The following RAB15 variants were observed in gnomAD, a reference collection of about 807,000 sequenced individuals.
RAB15 encodes the protein ras-related protein Rab-15.
In RAB15, 13 loss-of-function variants were observed where a neutral mutation model predicts 31.8. The observed-to-expected ratio is 0.41, with a 90% CI of 0.27 to 0.65. The LOEUF is 0.65. Among genes scored for constraint, RAB15 ranks in the 30% least tolerant of loss-of-function variants. The pLI, the probability that RAB15 is intolerant of heterozygous loss-of-function variation, is 0.32. For missense variants in RAB15, 220 were observed against 277.3 expected (o/e 0.79, Z 1.47); for synonymous variants, 100 against 105.6 (o/e 0.95, Z 0.33).
At position 64,954,441 on chromosome 14, in the gene RAB15, C is replaced by T. The variant is rs1221358719; in HGVS notation, c.125-1870G>A. Reference sequence around the variant, plus strand: ...AAATTTTCTCCAATTTGTAATATACCTGGTTTATCCTCACACTAGCCTAGC... The same window carrying T: ...AAATTTTCTCCAATTTGTAATATACTTGGTTTATCCTCACACTAGCCTAGC... On this transcript the variant is annotated intron_variant, in intron 1 of 6. Transcript: ENST00000533601. This position sits in a 1 kb window ranked among gnomAD's most constrained non-coding sequence, Gnocchi z 4.3. 2.0e-6 allele frequency: 2 copies of T among 985,302 alleles called. No homozygotes were observed. The highest frequency in any genetic ancestry group is 2.4e-6 in the Non-Finnish European group (2 of 829,926). The allele number at this position is 985,302 out of a possible 1,614,324, so 61.0% of individuals were successfully genotyped here.
Position 64,948,634 on chromosome 14 carries a change from G to T in RAB15, c.480+34C>A. The T allele has an allele frequency of 6.2e-7, 1 of 1,613,438 alleles. No homozygotes were observed. Among genetic ancestry groups the T allele is most frequent in the Non-Finnish European group, 8.5e-7 (1 of 1,179,454 alleles). On this transcript the variant is annotated intron_variant, in intron 6 of 6. Transcript: ENST00000533601. This position sits in a 1 kb window ranked among gnomAD's most constrained non-coding sequence, Gnocchi z 7.0. ...CTCCCACCTCTGCTGGACTCAGCCC[G>T]AGAGAGCGGGCGCCTGGTCACCAGG...
In RAB15 at chr14:64,951,261, T is replaced by C. The variant is rs1034857243; in HGVS notation, c.247-110A>G. The C allele has an allele frequency of 7.0e-6, 6 of 861,218 alleles. No homozygotes were observed. Among genetic ancestry groups the C allele is most frequent in the African/African-American group, 3.3e-5 (2 of 60,096 alleles). The allele number at this position is 861,218 out of a possible 1,614,324, so 53.3% of individuals were successfully genotyped here. ...TTGGGTCCCACTCTCCCATTCTCCCTGCTCAGCATCCAGAAATATCTCTTC... is the reference window on the plus strand; with the variant it reads ...TTGGGTCCCACTCTCCCATTCTCCCCGCTCAGCATCCAGAAATATCTCTTC... On this transcript the variant is annotated intron_variant, in intron 3 of 6. Transcript: ENST00000533601. The surrounding 1 kb of genome is among the most constrained non-coding windows in gnomAD (Gnocchi z 7.2).
At chr14:64,957,341 C>G (rs942304253) in intron 1 of RAB15, among the ~76,000 whole-genome samples, 3 of 152,124 alleles carry the variant, frequency 2.0e-5, no homozygotes, top group South Asian at 2.1e-4. Context: ...CCTCTCACTC[C>G]TACCTTCCCT....
chr14:64,951,682 C>A lies in RAB15; in HGVS notation c.186-19G>T. 1 of 1,610,660 alleles carries A rather than the reference C, an allele frequency of 6.2e-7. No individual in the cohort carries two copies. ...AGTGTCCCTGCAGGAGAAAGCCAGT[C>A]CCTCAGAGGAGCAGGGACCATGGGA... is the stretch of plus-strand genomic sequence containing the variant. On this transcript the variant is annotated intron_variant, in intron 2 of 6. Transcript: ENST00000533601. This position sits in a 1 kb window ranked among gnomAD's most constrained non-coding sequence, Gnocchi z 7.2.
rs908981113 is a variant in RAB15 at position 64,946,127 on chromosome 14, C to G, written c.*2227G>C. The G allele has an allele frequency of 6.6e-6, 1 of 152,542 alleles. No individual in the cohort carries two copies. The highest frequency in any genetic ancestry group is 1.5e-5 in the Non-Finnish European group (1 of 68,104). The allele number at this position is 152,542 out of a possible 1,614,324, so 9.4% of individuals were successfully genotyped here. On this transcript the variant is annotated 3_prime_UTR_variant, in exon 7 of 7. Coordinates refer to ENST00000533601, the MANE Select transcript of RAB15 (RefSeq NM_001308154.2). ...TCCCAATTCTCCTTCTGCTCCCATA[C>G]CTTTTCCCAGTCATGGCCCTTGTGG...
At position 64,950,795 on chromosome 14, in the gene RAB15, A is replaced by C. The variant is rs1001761891; in HGVS notation, c.324+279T>G. ...GACTAGATCCCAATCTTGCAACTCC[A>C]CCTGGTCCCAAGATTTCAGGAAAGA... is the stretch of plus-strand genomic sequence containing the variant. On this transcript the variant is annotated intron_variant, in intron 4 of 6. Coordinates refer to ENST00000533601, the MANE Select transcript of RAB15 (RefSeq NM_001308154.2). This position sits in a 1 kb window ranked among gnomAD's most constrained non-coding sequence, Gnocchi z 5.6. The C allele has an allele frequency of 1.6e-6, 1 of 640,796 alleles. No individual in the cohort carries two copies. Among genetic ancestry groups the C allele is most frequent in the Non-Finnish European group, 2.7e-6 (1 of 365,532 alleles). 39.7% of individuals were successfully genotyped at this position (640,796 alleles called of 1,614,324 possible).
chr14:64,954,343 C>G lies in RAB15; in HGVS notation c.125-1772G>C. 1 of 985,376 alleles carries G rather than the reference C, an allele frequency of 1.0e-6. No individual in the cohort carries two copies. The highest frequency in any genetic ancestry group is 1.2e-6 in the Non-Finnish European group (1 of 829,900). 61.0% of individuals were successfully genotyped at this position (985,376 alleles called of 1,614,324 possible). A position where few individuals can be genotyped will look rare whatever the true frequency, so the allele number is the denominator to read the frequency against. ...ACGGTTATCAGGCACCTGTTTCTCC[C>G]CAGTACCTGGCATAGAAGGGAATCA... On this transcript the variant is annotated intron_variant, in intron 1 of 6. Coordinates refer to ENST00000533601, the MANE Select transcript of RAB15 (RefSeq NM_001308154.2). The surrounding 1 kb of genome is among the most constrained non-coding windows in gnomAD (Gnocchi z 4.3).
chr14:64,964,560 C>G (rs1051500423), intron 1 of RAB15, among the ~76,000 whole-genome samples: 1 of 148,630 alleles, frequency 6.7e-6, no homozygotes, highest in Non-Finnish European at 1.5e-5. Flanking sequence ...GAAAAGAAAA[C>G]AAACCACTTT....
Position 64,946,818 on chromosome 14 carries a change from C to T in RAB15, c.*1536G>A, listed in dbSNP as rs1331645541. On this transcript the variant is annotated 3_prime_UTR_variant, in exon 7 of 7. Coordinates refer to ENST00000533601, the MANE Select transcript of RAB15 (RefSeq NM_001308154.2). ...GACCCTCTTCCTAGGCCTCGCCCAC[C>T]TTGGGACGGTGGGCAGGAACCCCAG... 2.0e-5 allele frequency: 3 copies of T among 151,928 alleles called. No individual in the cohort carries two copies. The highest frequency in any genetic ancestry group is 4.4e-5 in the Non-Finnish European group (3 of 68,036). 9.4% of individuals were successfully genotyped at this position (151,928 alleles called of 1,614,324 possible).
At chr14:64,964,875 A>G (rs967825944) in intron 1 of RAB15, among the ~76,000 whole-genome samples, 4 of 151,948 alleles carry the variant, frequency 2.6e-5, no homozygotes, top group Admixed American at 2.6e-4. Flanking sequence ...GCACCCAGCC[A>G]TAACCCACAT....
In RAB15 at chr14:64,955,243, G is replaced by A. The variant is rs552573212; in HGVS notation, c.125-2672C>T. 7.9e-5 allele frequency among the ~76,000 whole-genome samples: 12 copies of A among 151,390 alleles called. No homozygotes were observed. Among genetic ancestry groups the A allele is most frequent in the Admixed American group, 2.0e-4 (3 of 15,218 alleles). ...GAAGGATTTTCCTTCCTCCCTCCCC[G>A]CCCACACAACCTCTCTTAAATTTAA... On this transcript the variant is annotated intron_variant, in intron 1 of 6. Coordinates refer to ENST00000533601, the MANE Select transcript of RAB15 (RefSeq NM_001308154.2). This position sits in a 1 kb window ranked among gnomAD's most constrained non-coding sequence, Gnocchi z 4.4.
intron 1 of RAB15, among the ~76,000 whole-genome samples, chr14:64,963,975 A>C (rs1288372685): frequency 6.6e-6 from 1 of 152,144 alleles, no homozygotes; most frequent in Non-Finnish European, 1.5e-5. Flanking sequence ...CTTTTGCATA[A>C]TATTCTGCTT....
At chr14:64,957,504 A>G (rs995846136) in intron 1 of RAB15, among the ~76,000 whole-genome samples, 5 of 152,134 alleles carry the variant, frequency 3.3e-5, no homozygotes, top group Non-Finnish European at 5.9e-5. Context: ...TGAGAAATGC[A>G]CATTCTCAGG....
At chr14:64,959,841 C>G (rs1213827085) in intron 1 of RAB15, among the ~76,000 whole-genome samples, 2 of 120,420 alleles carry the variant, frequency 1.7e-5, no homozygotes, top group African/African-American at 7.0e-5. Context: ...AGAGCAGGAC[C>G]CTGTCTCAAA....
rs2296326 is a variant in RAB15 at position 64,947,654 on chromosome 14, T to C, written c.*700A>G. 66,203 of 152,434 alleles carry C rather than the reference T, an allele frequency of 0.43. 15,884 individuals carry two copies. The highest frequency in any genetic ancestry group is 0.7 in the East Asian group (3,581 of 5,122). 9.4% of individuals were successfully genotyped at this position (152,434 alleles called of 1,614,324 possible). ...GGCAGCCCCAGGCTCGAGGACTCCC[T>C]GGTTGCCGTTTCCCTCCTACCTCGA... On this transcript the variant is annotated 3_prime_UTR_variant, in exon 7 of 7. Transcript: ENST00000533601. The surrounding 1 kb of genome is among the most constrained non-coding windows in gnomAD (Gnocchi z 5.6).
Position 64,968,953 on chromosome 14 carries a change from T to A in RAB15, c.124+3000A>T, listed in dbSNP as rs897224950. Among the ~76,000 whole-genome samples, 8 of 152,194 alleles carry A rather than the reference T, an allele frequency of 5.3e-5. No homozygotes were observed. The highest frequency in any genetic ancestry group is 3.9e-4 in the Admixed American group (6 of 15,290). ...AGGCCTCTCACTGCTCCCTGGCGGG[T>A]TCTTCTCTAGAAGATCGCAGGCCGT... On this transcript the variant is annotated intron_variant, in intron 1 of 6. Transcript: ENST00000533601. This position sits in a 1 kb window ranked among gnomAD's most constrained non-coding sequence, Gnocchi z 4.9.
Position 64,951,487 on chromosome 14 carries a change from T to C in RAB15, c.246+116A>G. 1 of 951,860 alleles carries C rather than the reference T, an allele frequency of 1.1e-6. No homozygotes were observed. The highest frequency in any genetic ancestry group is 1.7e-6 in the Non-Finnish European group (1 of 575,816). The allele number at this position is 951,860 out of a possible 1,614,324, so 59.0% of individuals were successfully genotyped here. On this transcript the variant is annotated intron_variant, in intron 3 of 6. Transcript: ENST00000533601. This position sits in a 1 kb window ranked among gnomAD's most constrained non-coding sequence, Gnocchi z 7.2. ...TGAACAGCTGAAAGACGCCCTGCGC[T>C]CCTCCAAGCAGGCGAACTGTATTTA...
chr14:64,949,759 TAACCA>T (rs1886141836), intron 5 of RAB15, among the ~76,000 whole-genome samples: 2 of 142,710 alleles, frequency 1.4e-5, no homozygotes, highest in Admixed American at 1.4e-4. Context: ...AAAAAAAAAA[TAACCA>T]ATATTTCTTT....
At chr14:64,964,390 T>C (rs548949865) in intron 1 of RAB15, among the ~76,000 whole-genome samples, 3 of 151,088 alleles carry the variant, frequency 2.0e-5, no homozygotes, top group African/African-American at 7.3e-5. Context: ...AGCGTGGTGG[T>C]GCGTGCCTGT....
Sources: allele counts gnomAD v4.1 joint callset (sites outside exome capture counted in the v4.1 genomes callset), GRCh38; gene constraint gnomAD v4.1.1; non-coding constraint Gnocchi (gnomAD v3.1); transcripts MANE v1.5; gene names NCBI Gene and HGNC (gene_info 2026-07-23, HGNC 2026-07-21).